The following FYB2 variants were observed in gnomAD, a reference collection of about 807,000 sequenced individuals.
FYB2 encodes the protein FYN binding protein 2.
A neutral mutation model predicts 94.1 loss-of-function variants in FYB2; 103 were observed. The ratio of observed to expected loss-of-function variants is 1.09; its 90% CI spans 0.93 to 1.29. The LOEUF (loss-of-function observed/expected upper bound fraction) is 1.29, where lower values mean the gene tolerates loss of function less well. FYB2 is among the 50% of genes most tolerant of loss of function. FYB2 has a pLI of 0.00. For synonymous variants in FYB2, 293 were observed against 287.9 expected (o/e 1.02, Z -0.18); for missense variants, 896 against 841.5 (o/e 1.06, Z -0.80).
chr1:56,776,576 C>T (rs1051322825), intron 4 of FYB2, among the ~76,000 whole-genome samples: 4 of 152,080 alleles, frequency 2.6e-5, no homozygotes, highest in Non-Finnish European at 5.9e-5. Flanking sequence ...AAAATGACCA[C>T]GAGCCCTCAT....
At position 56,792,156 on chromosome 1, in the gene FYB2, T is replaced by C. The variant is rs749164854; in HGVS notation, c.657A>G (p.Gln219=). 4.3e-6 allele frequency: 7 copies of C among 1,614,010 alleles called. No individual in the cohort carries two copies. Among genetic ancestry groups the C allele is most frequent in the Non-Finnish European group, 5.9e-6 (7 of 1,179,962 alleles). ...GGTTTTCCCAGCTTTTTCTGATATG[T>C]TGAGAAATTACAAAAGAGGGATCTT... ...VSEDPSFVIS[Q]HIRKSWENPP... The change falls in exon 2 of 20, where the codon CAA becomes CAG. Residue 219 remains glutamine (Q), a synonymous_variant. Transcript: ENST00000343433.
At chr1:56,757,668 T>C (rs910486649) in intron 6 of FYB2, among the ~76,000 whole-genome samples, 71 of 149,762 alleles carry the variant, frequency 4.7e-4, no homozygotes, top group African/African-American at 1.6e-3. Flanking sequence ...TTTTTCTTTC[T>C]TTCCTCTTTC....
chr1:56,817,500 A>T (rs1307807331), intron 1 of FYB2, among the ~76,000 whole-genome samples: 2 of 152,110 alleles, frequency 1.3e-5, no homozygotes, highest in East Asian at 3.9e-4. Flanking sequence ...CATTTGACCC[A>T]TATATAGATT....
At chr1:56,787,092 T>G in intron 4 of FYB2, 83 bp downstream of exon 4, 1 of 1,429,706 alleles carries the variant, frequency 7.0e-7, no homozygotes. Flanking sequence ...ATTCTTGGTT[T>G]GTGCTAATTG....
intron 1 of FYB2, among the ~76,000 whole-genome samples, chr1:56,805,184 G>A (rs545237112): frequency 3.9e-5 from 6 of 152,106 alleles, no homozygotes; most frequent in Non-Finnish European, 5.9e-5. Flanking sequence ...ATTTACATAC[G>A]TGTCTGCTTT....
In FYB2 at chr1:56,744,082, A is replaced by T; in HGVS notation, c.1503-16T>A. On this transcript the variant is annotated splice_polypyrimidine_tract_variant and intron_variant, in intron 10 of 19. Coordinates refer to ENST00000343433, the MANE Select transcript of FYB2 (RefSeq NM_001004303.5). ...CAGCTTCGGTCTATGGGAGAAAATA[A>T]CAAAGACCATTATTGTACCTTTAAA... 6.2e-7 allele frequency: 1 copy of T among 1,612,678 alleles called. No homozygotes were observed. Among genetic ancestry groups the T allele is most frequent in the Non-Finnish European group, 8.5e-7 (1 of 1,179,174 alleles).
chr1:56,798,219 C>G lies in FYB2; in HGVS notation c.10-5416G>C, dbSNP rs115974827. Among the ~76,000 whole-genome samples, 578 of 152,242 alleles carry G rather than the reference C, an allele frequency of 3.8e-3. 1 individual carries two copies. The highest frequency in any genetic ancestry group is 0.014 in the African/African-American group (563 of 41,544). ...TCTTTGTGAAAGCAGATTAGAATGC[C>G]CATGGAAACAAATGATCTAATTGCT... On this transcript the variant is annotated intron_variant, in intron 1 of 19. Transcript: ENST00000343433.
chr1:56,753,809 TA>T, intron 8 of FYB2, 29 bp downstream of exon 8: 1 of 1,504,520 alleles, frequency 6.6e-7, no homozygotes, highest in Non-Finnish European at 9.2e-7. Flanking sequence ...GTTATATGTC[TA>T]AACTGCAGGA....
At chr1:56,752,569 C>T (rs890039688) in intron 8 of FYB2, among the ~76,000 whole-genome samples, 1 of 151,826 alleles carries the variant, frequency 6.6e-6, no homozygotes, top group African/African-American at 2.4e-5. Flanking sequence ...GTCATAGTAC[C>T]AAGAATTAAA....
upstream of FYB2, chr1:56,823,796 C>T (rs905266590): frequency 2.6e-5 from 4 of 152,200 alleles, no homozygotes; most frequent in African/African-American, 9.7e-5. Flanking sequence ...TCTTCCCCCA[C>T]TAATGCCAGT....
upstream of FYB2, among the ~76,000 whole-genome samples, chr1:56,822,590 C>T (rs953932145): frequency 6.6e-6 from 1 of 152,132 alleles, no homozygotes; most frequent in Non-Finnish European, 1.5e-5. Flanking sequence ...TCAGTATTTC[C>T]AGCACATTCT....
rs535327705 is a variant in FYB2, at chr1:56,764,326, G to A, written c.1063+3503C>T. On this transcript the variant is annotated intron_variant, in intron 5 of 19. Coordinates refer to ENST00000343433, the MANE Select transcript of FYB2 (RefSeq NM_001004303.5). ...TCCAAGTACTTCTTCAGTCATGCAC[G>A]CCTTCTCTTCTCTTTCCAGAAGTCT... Among the ~76,000 whole-genome samples, 72 of 152,132 alleles carry A rather than the reference G, an allele frequency of 4.7e-4. 1 individual carries two copies. Among genetic ancestry groups the A allele is most frequent in the Non-Finnish European group, 7.8e-4 (53 of 68,010 alleles).
intron 6 of FYB2, among the ~76,000 whole-genome samples, chr1:56,757,730 C>CT (rs1197036136): frequency 8.9e-6 from 1 of 111,836 alleles, no homozygotes; most frequent in African/African-American, 3.3e-5. Context: ...TTCTTTCTTT[C>CT]TTTCATTCTT....
intron 16 of FYB2, among the ~76,000 whole-genome samples, chr1:56,723,989 A>G (rs535764411): frequency 6.6e-6 from 1 of 152,164 alleles, no homozygotes; most frequent in East Asian, 1.9e-4. Context: ...TAATAACGGG[A>G]TAAAATCACA....
Position 56,720,316 on chromosome 1 carries a change from A to G in FYB2, c.1988T>C (p.Ile663Thr), listed in dbSNP as rs1212146172. Residue 663 changes from isoleucine (I) to threonine (T), a missense_variant, in exon 18 of 20, where the codon ATT becomes ACT. Coordinates refer to ENST00000343433, the MANE Select transcript of FYB2 (RefSeq NM_001004303.5). ...GGCCACTGCTGTATTGATGACAATA[A>G]TCTCTTTGTCGTACTGAAATGAGAA... ...FRERFKYDKE[I>T]IVINTAVACS... 6.2e-7 allele frequency: 1 copy of G among 1,601,578 alleles called. No individual in the cohort carries two copies.
At chr1:56,823,549 T>G (rs771732985), upstream of FYB2, 1 of 152,202 alleles carries the variant, frequency 6.6e-6, no homozygotes, top group Non-Finnish European at 1.5e-5. Flanking sequence ...CCAGCTGATC[T>G]CTCCTTTGCC....
chr1:56,738,760 T>C, intron 13 of FYB2, 107 bp from the exon 14 acceptor site: 1 of 1,165,034 alleles, frequency 8.6e-7, no homozygotes, highest in Non-Finnish European at 1.2e-6. Context: ...TTGCCCTTCT[T>C]GCCCTGGTAT....
chr1:56,758,858 T>C, intron 5 of FYB2, 108 bp from the exon 6 acceptor site: 1 of 754,314 alleles, frequency 1.3e-6, no homozygotes, highest in Non-Finnish European at 2.0e-6. Context: ...TTTTCTCACC[T>C]TTAAGAACAT....
chr1:56,765,090 C>G (rs949751598), intron 5 of FYB2, among the ~76,000 whole-genome samples: 3 of 152,196 alleles, frequency 2.0e-5, no homozygotes, highest in African/African-American at 7.2e-5. Flanking sequence ...AGTGAGAAAA[C>G]AGCACCTCAT....
Sources: gnomAD v4.1 joint callset for allele counts (sites outside exome capture counted in the v4.1 genomes callset) on GRCh38, gnomAD v4.1.1 for gene constraint, MANE v1.5 for transcripts, NCBI Gene and HGNC (gene_info 2026-07-23, HGNC 2026-07-21) for gene names.